NAB1: variants seen among roughly 807,000 people sequenced by gnomAD.
NAB1 encodes NGFI-A binding protein 1.
NAB1 carries 25 observed loss-of-function variants against 49.9 expected under a neutral mutation model. That is an observed-to-expected ratio of 0.50 (90% CI 0.37 to 0.70). The LOEUF is 0.70. NAB1 is among the 30% of genes least tolerant of loss of function. The pLI, the probability that NAB1 is intolerant of heterozygous loss-of-function variation, is 0.00. For missense variants in NAB1, 489 were observed against 575.9 expected (o/e 0.85, Z 1.54); for synonymous variants, 198 against 215.6 (o/e 0.92, Z 0.71).
At position 190,657,036 on chromosome 2, in the gene NAB1, CA is replaced by C. The variant is rs1043442645; in HGVS notation, c.-20+884del. On this transcript the variant is annotated intron_variant, in intron 3 of 9. Coordinates refer to ENST00000337386, the MANE Select transcript of NAB1 (RefSeq NM_005966.4). The surrounding 1 kb of genome is among the most constrained non-coding windows in gnomAD (Gnocchi z 4.4). ...CATGTGTATGTATATACACATTACA[CA>C]TGTACTTTTTTTTTCTGTATTGCGT... 1.3e-5 allele frequency among the ~76,000 whole-genome samples: 2 copies of C among 152,168 alleles called. No individual in the cohort carries two copies. Among genetic ancestry groups the C allele is most frequent in the African/African-American group, 4.8e-5 (2 of 41,442 alleles).
At position 190,666,177 on chromosome 2, in the gene NAB1, C is replaced by G. The variant is rs1230941007; in HGVS notation, c.820-4149C>G. On this transcript the variant is annotated intron_variant, in intron 4 of 9. Transcript: ENST00000337386. This position sits in a 1 kb window ranked among gnomAD's most constrained non-coding sequence, Gnocchi z 5.6. ...TTCTGAGAGGGGCCAGTAATGGTAC[C>G]TAGCCCTCCCAGTGCTGGAAATGAA... Among the ~76,000 whole-genome samples, 1 of 152,004 alleles carries G rather than the reference C, an allele frequency of 6.6e-6. No individual in the cohort carries two copies. The highest frequency in any genetic ancestry group is 1.5e-5 in the Non-Finnish European group (1 of 68,012).
intron 4 of NAB1, among the ~76,000 whole-genome samples, chr2:190,665,213 C>T (rs1694450460): frequency 6.6e-6 from 1 of 151,832 alleles, no homozygotes; most frequent in South Asian, 2.1e-4. Flanking sequence ...GTCCTAGCTA[C>T]TCGGGAGGCT....
rs142015913 is a variant in NAB1, at chr2:190,680,202, G to T, written c.1006-3536G>T. 3.2e-4 allele frequency among the ~76,000 whole-genome samples: 49 copies of T among 152,220 alleles called. 1 individual carries two copies. The highest frequency in any genetic ancestry group is 1.1e-3 in the African/African-American group (45 of 41,528). On this transcript the variant is annotated intron_variant, in intron 6 of 9. Transcript: ENST00000337386. This position sits in a 1 kb window ranked among gnomAD's most constrained non-coding sequence, Gnocchi z 5.2. ...GATGGGCTTTCTGAAATGCAAATCC[G>T]ATCAGTCTCTTCCCTGAGACTTTCA... is the stretch of plus-strand genomic sequence containing the variant.
chr2:190,666,017 G>A lies in NAB1; in HGVS notation c.820-4309G>A, dbSNP rs1274253396. On this transcript the variant is annotated intron_variant, in intron 4 of 9. Coordinates refer to ENST00000337386, the MANE Select transcript of NAB1 (RefSeq NM_005966.4). The surrounding 1 kb of genome is among the most constrained non-coding windows in gnomAD (Gnocchi z 5.6). ...GAAACTCAAGCTCATCAAGTTTAGCGACTGTCCCTAACTTAAACTTCTTTG... is the reference window on the plus strand; with the variant it reads ...GAAACTCAAGCTCATCAAGTTTAGCAACTGTCCCTAACTTAAACTTCTTTG... Among the ~76,000 whole-genome samples, 3 of 152,086 alleles carry A rather than the reference G, an allele frequency of 2.0e-5. No homozygotes were observed. Among genetic ancestry groups the A allele is most frequent in the Admixed American group, 1.3e-4 (2 of 15,274 alleles).
At chr2:190,673,263 A>AGT in intron 6 of NAB1, 111 bp downstream of exon 6, 1 of 944,154 alleles carries the variant, frequency 1.1e-6, no homozygotes, top group Non-Finnish European at 1.7e-6. Context: ...AACTAGTGAA[A>AGT]AATGGCTTTC....
In NAB1 at chr2:190,675,790, T is replaced by A. The variant is rs1245411711; in HGVS notation, c.1005+2638T>A. ...CACTTTTTTGTTGTTGGTTTGTTTT[T>A]AATTTTGTTCTGTTCCTCTTTCTTA... is the stretch of plus-strand genomic sequence containing the variant. On this transcript the variant is annotated intron_variant, in intron 6 of 9. Coordinates refer to ENST00000337386, the MANE Select transcript of NAB1 (RefSeq NM_005966.4). This position sits in a 1 kb window ranked among gnomAD's most constrained non-coding sequence, Gnocchi z 5.2. Among the ~76,000 whole-genome samples the A allele has an allele frequency of 1.3e-5, 2 of 152,228 alleles. No homozygotes were observed. The highest frequency in any genetic ancestry group is 4.8e-5 in the African/African-American group (2 of 41,458).
At chr2:190,655,885 T>C (rs1173061158) in intron 2 of NAB1, 92 bp from the exon 3 acceptor site, 2 of 152,230 alleles carry the variant, frequency 1.3e-5, no homozygotes, top group Non-Finnish European at 2.9e-5. Flanking sequence ...GATTACCGTT[T>C]AAAAGATCAG....
rs540474896 is a variant in NAB1 at position 190,666,736 on chromosome 2, A to C, written c.820-3590A>C. ...AAGCGAACTTTAAGAAATCTTTCAC[A>C]TAAAGATATGGTGGAATTTTGGTAT... On this transcript the variant is annotated intron_variant, in intron 4 of 9. Transcript: ENST00000337386. This position sits in a 1 kb window ranked among gnomAD's most constrained non-coding sequence, Gnocchi z 5.6. Among the ~76,000 whole-genome samples, 44 of 152,302 alleles carry C rather than the reference A, an allele frequency of 2.9e-4. No homozygotes were observed. The highest frequency in any genetic ancestry group is 1.0e-3 in the African/African-American group (43 of 41,594).
chr2:190,660,057 A>G (rs1033271599), intron 4 of NAB1, 62 bp downstream of exon 4: 10 of 1,468,430 alleles, frequency 6.8e-6, no homozygotes, highest in Non-Finnish European at 8.4e-6. Flanking sequence ...CGTTAGAGAT[A>G]AATTTGGTAA....
At chr2:190,688,887 T>C (rs2125892047) in intron 9 of NAB1, among the ~76,000 whole-genome samples, 1 of 151,966 alleles carries the variant, frequency 6.6e-6, no homozygotes, top group East Asian at 1.9e-4. Flanking sequence ...TCGCCCAGGC[T>C]GGAGTGCAGT....
In NAB1 at chr2:190,663,420, T is replaced by C. The variant is rs570322232; in HGVS notation, c.819+3425T>C. ...TGTGTGCCCAGTCTCACTCACCTCC[T>C]GTTTTTATAAATAAATTTTTATTGG... On this transcript the variant is annotated intron_variant, in intron 4 of 9. Coordinates refer to ENST00000337386, the MANE Select transcript of NAB1 (RefSeq NM_005966.4). The surrounding 1 kb of genome is among the most constrained non-coding windows in gnomAD (Gnocchi z 4.2). 4.3e-4 allele frequency among the ~76,000 whole-genome samples: 66 copies of C among 152,340 alleles called. No homozygotes were observed. Among genetic ancestry groups the C allele is most frequent in the Admixed American group, 2.7e-3 (42 of 15,302 alleles).
Position 190,659,983 on chromosome 2 carries a change from C to A in NAB1, c.807C>A (p.Leu269=). The A allele has an allele frequency of 6.2e-7, 1 of 1,611,954 alleles. No homozygotes were observed. Among genetic ancestry groups the A allele is most frequent in the South Asian group, 1.1e-5 (1 of 90,956 alleles). The change falls in exon 4 of 10, where the codon CTC becomes CTA. Residue 269 remains leucine (L), a synonymous_variant. Transcript: ENST00000337386. The surrounding 1 kb of genome is among the most constrained non-coding windows in gnomAD (Gnocchi z 6.2). ...FDSKRKDGKH[L]TLHELTVNEA... ...CAAAGAGGAAGGATGGGAAACATCT[C>A]ACACTTCATGAGGTACAAAGCCCGC...
chr2:190,677,584 C>T lies in NAB1; in HGVS notation c.1005+4432C>T, dbSNP rs1273829971. The T allele has an allele frequency of 6.6e-6, 1 of 152,188 alleles. No individual in the cohort carries two copies. Among genetic ancestry groups the T allele is most frequent in the African/African-American group, 2.4e-5 (1 of 41,448 alleles). 9.4% of individuals were successfully genotyped at this position (152,188 alleles called of 1,614,324 possible). Reference sequence around the variant, plus strand: ...TGAATTAGATCTAATTAAATCTTCTCATTCTGGGGCAATTGTAAAAATCGC... The same window carrying T: ...TGAATTAGATCTAATTAAATCTTCTTATTCTGGGGCAATTGTAAAAATCGC... On this transcript the variant is annotated intron_variant, in intron 6 of 9. Coordinates refer to ENST00000337386, the MANE Select transcript of NAB1 (RefSeq NM_005966.4). This position sits in a 1 kb window ranked among gnomAD's most constrained non-coding sequence, Gnocchi z 5.6.
rs964399316 is a variant in NAB1, at chr2:190,692,548, T to C, written c.*2215T>C. On this transcript the variant is annotated 3_prime_UTR_variant, in exon 10 of 10. Transcript: ENST00000337386. This position sits in a 1 kb window ranked among gnomAD's most constrained non-coding sequence, Gnocchi z 5.2. The stretch of plus-strand genomic sequence containing the variant: ...AATTGTATATGTGAATTGGAAGTTA[T>C]AATTAGTTGATTTTTTCATTTTGTT... 3.9e-5 allele frequency: 6 copies of C among 152,654 alleles called. No homozygotes were observed. The highest frequency in any genetic ancestry group is 3.3e-4 in the Admixed American group (5 of 15,280). The allele number at this position is 152,654 out of a possible 1,614,324, so 9.5% of individuals were successfully genotyped here.
rs781311043 is a variant in NAB1, at chr2:190,689,290, C to G, written c.1376-955C>G. ...GGTAAAAGAGAAGTAATTTCTACCTCGTAGGGTAGTTAGGAGGATTAAACA... is the reference window on the plus strand; with the variant it reads ...GGTAAAAGAGAAGTAATTTCTACCTGGTAGGGTAGTTAGGAGGATTAAACA... On this transcript the variant is annotated intron_variant, in intron 9 of 9. Coordinates refer to ENST00000337386, the MANE Select transcript of NAB1 (RefSeq NM_005966.4). The surrounding 1 kb of genome is among the most constrained non-coding windows in gnomAD (Gnocchi z 4.3). 3.3e-5 allele frequency among the ~76,000 whole-genome samples: 5 copies of G among 152,206 alleles called. No individual in the cohort carries two copies. Among genetic ancestry groups the G allele is most frequent in the South Asian group, 4.1e-4 (2 of 4,826 alleles).
At position 190,689,823 on chromosome 2, in the gene NAB1, G is replaced by T. The variant is rs915667724; in HGVS notation, c.1376-422G>T. On this transcript the variant is annotated intron_variant, in intron 9 of 9. Transcript: ENST00000337386. This position sits in a 1 kb window ranked among gnomAD's most constrained non-coding sequence, Gnocchi z 4.3. ...AGTAACAGTTATTTATGAATAATCAGCTTCCTTTTATATATTTATCATGTT... is the reference window on the plus strand; with the variant it reads ...AGTAACAGTTATTTATGAATAATCATCTTCCTTTTATATATTTATCATGTT... 5.3e-5 allele frequency among the ~76,000 whole-genome samples: 8 copies of T among 151,694 alleles called. No homozygotes were observed. The highest frequency in any genetic ancestry group is 1.9e-4 in the African/African-American group (8 of 41,288).
rs918768877 is a variant in NAB1 at position 190,676,279 on chromosome 2, C to T, written c.1005+3127C>T. ...GAGGTAAGAAAATACTAAGCATGTT[C>T]AGAGAACAATAAGTTTGTCTAGGGA... On this transcript the variant is annotated intron_variant, in intron 6 of 9. Transcript: ENST00000337386. The surrounding 1 kb of genome is among the most constrained non-coding windows in gnomAD (Gnocchi z 4.6). Among the ~76,000 whole-genome samples the T allele has an allele frequency of 2.0e-5, 3 of 152,128 alleles. No homozygotes were observed. The highest frequency in any genetic ancestry group is 4.4e-5 in the Non-Finnish European group (3 of 68,032).
chr2:190,649,065 G>C (rs1456034046), upstream of NAB1: 1 of 145,970 alleles, frequency 6.9e-6, no homozygotes, highest in Non-Finnish European at 1.5e-5. This position sits in a 1 kb window ranked among gnomAD's most constrained non-coding sequence, Gnocchi z 6.1. Flanking sequence ...AAGGCGCGGC[G>C]GGGGAGGCGC....
rs1430596245 is a variant in NAB1, at chr2:190,689,900, G to T, written c.1376-345G>T. ...ATATTCTATATGCTAAATGTTTTAT[G>T]TGCATTTCATTATTTAACTTTCGTG... On this transcript the variant is annotated intron_variant, in intron 9 of 9. Coordinates refer to ENST00000337386, the MANE Select transcript of NAB1 (RefSeq NM_005966.4). The surrounding 1 kb of genome is among the most constrained non-coding windows in gnomAD (Gnocchi z 4.3). Among the ~76,000 whole-genome samples, 3 of 143,298 alleles carry T rather than the reference G, an allele frequency of 2.1e-5. No homozygotes were observed. The highest frequency in any genetic ancestry group is 5.1e-5 in the African/African-American group (2 of 39,008). The allele number at this position is 143,298 out of a possible 152,430, so 94.0% of individuals were successfully genotyped here. A position where few individuals can be genotyped will look rare whatever the true frequency, so the allele number is the denominator to read the frequency against.
Sources: gnomAD v4.1 joint callset for allele counts (sites outside exome capture counted in the v4.1 genomes callset) on GRCh38, gnomAD v4.1.1 for gene constraint, Gnocchi (gnomAD v3.1) non-coding constraint, MANE v1.5 for transcripts, NCBI Gene and HGNC (gene_info 2026-07-23, HGNC 2026-07-21) for gene names.